The following PRDM16 variants were observed in gnomAD, a reference collection of about 807,000 sequenced individuals.
The protein encoded by PRDM16 is histone-lysine N-methyltransferase PRDM16.
PRDM16 carries 23 observed loss-of-function variants against 110.6 expected under a neutral mutation model. The observed-to-expected ratio is 0.21, with a 90% CI of 0.15 to 0.29. The LOEUF is 0.29. Among genes scored for constraint, PRDM16 ranks in the 10% least tolerant of loss-of-function variants. The pLI is 1.00. For missense variants in PRDM16, 1,615 were observed against 1,794.3 expected (o/e 0.90, Z 1.81); for synonymous variants, 799 against 781.8 (o/e 1.02, Z -0.37).
chr1:3,194,267 C>A (rs1265569033), intron 2 of PRDM16, among the ~76,000 whole-genome samples: 1 of 152,210 alleles, frequency 6.6e-6, no homozygotes, highest in Admixed American at 6.5e-5. Flanking sequence ...ATCTCAGGTC[C>A]TGCAGAGGTG....
chr1:3,142,000 G>C (rs1024152281), intron 1 of PRDM16, among the ~76,000 whole-genome samples: 1 of 152,372 alleles, frequency 6.6e-6, no homozygotes, highest in East Asian at 1.9e-4. Flanking sequence ...ACGTGGGGCC[G>C]CACTGTGCAT....
At chr1:3,191,724 C>A (rs938842878) in intron 2 of PRDM16, among the ~76,000 whole-genome samples, 2 of 152,094 alleles carry the variant, frequency 1.3e-5, no homozygotes, top group Non-Finnish European at 1.5e-5. Context: ...CCATTTTGGT[C>A]CCAGGTGATA....
intron 1 of PRDM16, among the ~76,000 whole-genome samples, chr1:3,179,339 G>GA (rs1387305598): frequency 6.6e-6 from 1 of 152,232 alleles, no homozygotes; most frequent in Non-Finnish European, 1.5e-5. Flanking sequence ...CGTGGACTCA[G>GA]GAGTGGGTGT....
chr1:3,432,213 C>T, intron 16 of PRDM16, 73 bp downstream of exon 16: 1 of 1,386,856 alleles, frequency 7.2e-7, no homozygotes, highest in South Asian at 1.3e-5. Context: ...CACTCCTCTC[C>T]CGCCGTGGCC....
At chr1:3,351,905 G>A (rs1193438247) in intron 3 of PRDM16, among the ~76,000 whole-genome samples, 2 of 151,500 alleles carry the variant, frequency 1.3e-5, no homozygotes, top group Admixed American at 1.3e-4. Context: ...GGGAGAGCTG[G>A]GGGCGGGGAG....
intron 1 of PRDM16, among the ~76,000 whole-genome samples, chr1:3,076,835 G>A (rs186651421): frequency 2.4e-4 from 36 of 152,298 alleles, no homozygotes; most frequent in East Asian, 7.7e-4. Flanking sequence ...GATTTACTTA[G>A]GTTTGGTTTT....
At chr1:3,146,636 G>A (rs945276319) in intron 1 of PRDM16, among the ~76,000 whole-genome samples, 1 of 137,358 alleles carries the variant, frequency 7.3e-6, no homozygotes, top group African/African-American at 2.8e-5. Context: ...CATGTGCTTG[G>A]TATGGGGTGT....
At chr1:3,330,077 G>A (rs1450679031) in intron 3 of PRDM16, among the ~76,000 whole-genome samples, 1 of 152,250 alleles carries the variant, frequency 6.6e-6, no homozygotes, top group Non-Finnish European at 1.5e-5. Context: ...CAGCAGCAGA[G>A]CCCTCCGCCA....
chr1:3,110,182 A>C (rs76080044), intron 1 of PRDM16, among the ~76,000 whole-genome samples: 17,650 of 71,524 alleles, frequency 0.25, 2,111 homozygotes, highest in African/African-American at 0.41. Flanking sequence ...GTGTCTGTGG[A>C]TCCCCCATGT....
At chr1:3,280,705 G>C (rs931679695) in intron 3 of PRDM16, among the ~76,000 whole-genome samples, 4 of 152,200 alleles carry the variant, frequency 2.6e-5, no homozygotes, top group African/African-American at 9.6e-5. Context: ...GCTTAGCTTT[G>C]AAAACAGTAA....
intron 3 of PRDM16, among the ~76,000 whole-genome samples, chr1:3,371,219 A>G (rs982963801): frequency 1.4e-5 from 2 of 139,832 alleles, no homozygotes; most frequent in Non-Finnish European, 3.1e-5. Context: ...CCACCCACCC[A>G]TCCACCCATC....
intron 1 of PRDM16, among the ~76,000 whole-genome samples, chr1:3,098,891 T>G (rs977855014): frequency 1.3e-5 from 2 of 152,190 alleles, no homozygotes; most frequent in Non-Finnish European, 2.9e-5. Context: ...CCAGCCATGG[T>G]GCTGCCTCCA....
chr1:3,150,135 G>A (rs1569695193), intron 1 of PRDM16, among the ~76,000 whole-genome samples: 1 of 152,212 alleles, frequency 6.6e-6, no homozygotes, highest in African/African-American at 2.4e-5. Flanking sequence ...ACGCACAGGC[G>A]AACTTTACAA....
intron 2 of PRDM16, among the ~76,000 whole-genome samples, chr1:3,204,375 A>C (rs2100833344): frequency 6.6e-6 from 1 of 152,302 alleles, no homozygotes; most frequent in Non-Finnish European, 1.5e-5. Context: ...ATTTGGAGGT[A>C]AAACGACGTC....
intron 3 of PRDM16, among the ~76,000 whole-genome samples, chr1:3,377,253 G>A (rs1643008296): frequency 6.6e-6 from 1 of 152,160 alleles, no homozygotes; most frequent in South Asian, 2.1e-4. Flanking sequence ...CCTCCTGGCA[G>A]CAGCAGGAGA....
In PRDM16 at chr1:3,222,288, GAGCGGTGCCCC is replaced by G. The variant is rs374599229; in HGVS notation, c.388-21795_388-21785del. Among the ~76,000 whole-genome samples, 1,066 of 152,142 alleles carry G rather than the reference GAGCGGTGCCCC, an allele frequency of 7.0e-3. 18 individuals are homozygous for G. The highest frequency in any genetic ancestry group is 0.025 in the African/African-American group (1,019 of 41,492). The stretch of plus-strand genomic sequence containing the variant: ...CGACAGATGTAATTCCCCTGGGAGG[GAGCGGTGCCCC>G]AGCTGCTGGCCCTGAGATGTATTTT... On this transcript the variant is annotated intron_variant, in intron 2 of 16. Transcript: ENST00000270722.
intron 2 of PRDM16, among the ~76,000 whole-genome samples, chr1:3,204,468 C>G (rs1439314887): frequency 6.6e-6 from 1 of 152,226 alleles, no homozygotes; most frequent in Non-Finnish European, 1.5e-5. Flanking sequence ...CCCAGAGACA[C>G]ACACCCTCCT....
chr1:3,290,327 A>G lies in PRDM16; in HGVS notation c.438+46190A>G, dbSNP rs1209740780. ...GGTCCTCAGAGGTGTCGCCCCTTCC[A>G]TGCTCAAAATGGCTGGAAGAGGAGA... On this transcript the variant is annotated intron_variant, in intron 3 of 16. Transcript: ENST00000270722. The surrounding 1 kb of genome is among the most constrained non-coding windows in gnomAD (Gnocchi z 4.8). Among the ~76,000 whole-genome samples, 2 of 152,124 alleles carry G rather than the reference A, an allele frequency of 1.3e-5. No homozygotes were observed. The highest frequency in any genetic ancestry group is 1.5e-5 in the Non-Finnish European group (1 of 68,006).
At chr1:3,309,206 G>A (rs1641383718) in intron 3 of PRDM16, 2 of 152,322 alleles carry the variant, frequency 1.3e-5, no homozygotes, top group Admixed American at 1.3e-4. Context: ...GTTCTGAGGG[G>A]GCTCTGCTTC....
Sources: allele counts gnomAD v4.1 joint callset (sites outside exome capture counted in the v4.1 genomes callset), GRCh38; gene constraint gnomAD v4.1.1; non-coding constraint Gnocchi (gnomAD v3.1); transcripts MANE v1.5; gene names NCBI Gene and HGNC (gene_info 2026-07-23, HGNC 2026-07-21).